Variants in B3GNT7 observed in about 807,000 individuals in gnomAD.
B3GNT7 encodes BGnT-7.
B3GNT7 carries 9 observed loss-of-function variants against 5.1 expected under a neutral mutation model. That is an observed-to-expected ratio of 1.77 (90% CI 1.07 to 3.09). The LOEUF is 3.09. Among genes scored for constraint, B3GNT7 ranks in the 30% most tolerant of loss-of-function variants. B3GNT7 has a pLI of 0.00. For missense variants in B3GNT7, 468 were observed against 550.8 expected (o/e 0.85, Z 1.50); for synonymous variants, 253 against 248.6 (o/e 1.02, Z -0.17).
chr2:231,398,728 C>G lies in B3GNT7; in HGVS notation c.1009C>G (p.Leu337Val). The G allele has an allele frequency of 6.2e-7, 1 of 1,611,348 alleles. No homozygotes were observed. Among genetic ancestry groups the G allele is most frequent in the Non-Finnish European group, 8.5e-7 (1 of 1,179,840 alleles). Reference sequence around the variant, plus strand: ...CTTTCTGGGCATGTGCCTGGAGGTGCTGGGCGTGCAGCCCACGGCCCACGA... The same window carrying G: ...CTTTCTGGGCATGTGCCTGGAGGTGGTGGGCGTGCAGCCCACGGCCCACGA... ...DVFLGMCLEVLGVQPTAHEGF... is the reference protein window; with the variant it reads ...DVFLGMCLEVVGVQPTAHEGF... The change falls in exon 2 of 2, where the codon CTG becomes GTG. Residue 337 changes from leucine to valine, a missense_variant. Leu to Val is a conservative substitution (Grantham distance 32). Coordinates refer to ENST00000287590, the MANE Select transcript of B3GNT7 (RefSeq NM_145236.3).
chr2:231,399,894 C>A lies in B3GNT7; in HGVS notation c.*969C>A. The A allele has an allele frequency of 6.5e-6, 1 of 153,080 alleles. No individual in the cohort carries two copies. Among genetic ancestry groups the A allele is most frequent in the Non-Finnish European group, 1.5e-5 (1 of 68,588 alleles). The allele number at this position is 153,080 out of a possible 1,614,324, so 9.5% of individuals were successfully genotyped here. A position where few individuals can be genotyped will look rare whatever the true frequency, so the allele number is the denominator to read the frequency against. ...TTCCAGCTGCCTGCCCTCAGCACCCCCAGGCCCCTCACAGCCCAGCCCCCT... is the reference window on the plus strand; with the variant it reads ...TTCCAGCTGCCTGCCCTCAGCACCCACAGGCCCCTCACAGCCCAGCCCCCT... On this transcript the variant is annotated 3_prime_UTR_variant, in exon 2 of 2. Coordinates refer to ENST00000287590, the MANE Select transcript of B3GNT7 (RefSeq NM_145236.3).
At chr2:231,396,241 T>C (rs2046512988) in intron 1 of B3GNT7, among the ~76,000 whole-genome samples, 1 of 152,064 alleles carries the variant, frequency 6.6e-6, no homozygotes, top group Non-Finnish European at 1.5e-5. Flanking sequence ...CCGGCCCCTC[T>C]CCGCCCCTCC....
intron 1 of B3GNT7, among the ~76,000 whole-genome samples, chr2:231,396,611 G>C (rs1480259486): frequency 2.6e-5 from 4 of 152,316 alleles, no homozygotes; most frequent in Admixed American, 6.5e-5. Context: ...GCGTCTCCAC[G>C]GGCTGCCTGT....
At position 231,395,950 on chromosome 2, in the gene B3GNT7, T is replaced by G. The variant is rs1360763798; in HGVS notation, c.11+136T>G. On this transcript the variant is annotated intron_variant, in intron 1 of 1. Coordinates refer to ENST00000287590, the MANE Select transcript of B3GNT7 (RefSeq NM_145236.3). The surrounding 1 kb of genome is among the most constrained non-coding windows in gnomAD (Gnocchi z 7.3). ...CGCGCGCGCCGCGCCGGCCTCAGTT[T>G]CCCGGGGGCGGATGGGCGGGCGGGC... The G allele has an allele frequency of 7.8e-6, 4 of 512,874 alleles. No individual in the cohort carries two copies. The highest frequency in any genetic ancestry group is 1.1e-5 in the Non-Finnish European group (4 of 370,508). The allele number at this position is 512,874 out of a possible 1,614,324, so 31.8% of individuals were successfully genotyped here. A position where few individuals can be genotyped will look rare whatever the true frequency, so the allele number is the denominator to read the frequency against.
In B3GNT7 at chr2:231,400,372, G is replaced by A. The variant is rs1254813478; in HGVS notation, c.*1447G>A. Reference sequence around the variant, plus strand: ...GGTGGACAGCCGAGCTGTGGCTCTAGCGTGAGCCAGTGCCTTCCTGTCCCT... The same window carrying A: ...GGTGGACAGCCGAGCTGTGGCTCTAACGTGAGCCAGTGCCTTCCTGTCCCT... On this transcript the variant is annotated 3_prime_UTR_variant, in exon 2 of 2. Coordinates refer to ENST00000287590, the MANE Select transcript of B3GNT7 (RefSeq NM_145236.3). The A allele has an allele frequency of 6.6e-6, 1 of 152,242 alleles. No homozygotes were observed. The highest frequency in any genetic ancestry group is 1.5e-5 in the Non-Finnish European group (1 of 68,092). 9.4% of individuals were successfully genotyped at this position (152,242 alleles called of 1,614,324 possible). A position where few individuals can be genotyped will look rare whatever the true frequency, so the allele number is the denominator to read the frequency against.
chr2:231,395,939 C>A lies in B3GNT7; in HGVS notation c.11+125C>A. ...GGAGATGCCCCCGCGCGCGCCGCGC[C>A]GGCCTCAGTTTCCCGGGGGCGGATG... On this transcript the variant is annotated intron_variant, in intron 1 of 1. Transcript: ENST00000287590. The surrounding 1 kb of genome is among the most constrained non-coding windows in gnomAD (Gnocchi z 7.3). 1.6e-6 allele frequency: 1 copy of A among 625,056 alleles called. No homozygotes were observed. Among genetic ancestry groups the A allele is most frequent in the South Asian group, 7.3e-5 (1 of 13,632 alleles). 38.7% of individuals were successfully genotyped at this position (625,056 alleles called of 1,614,324 possible). A position where few individuals can be genotyped will look rare whatever the true frequency, so the allele number is the denominator to read the frequency against.
At position 231,398,786 on chromosome 2, in the gene B3GNT7, G is replaced by A. The variant is rs777893525; in HGVS notation, c.1067G>A (p.Arg356His). ...AAGACTTTCGGCATCTCCCGGAACC[G>A]CAACAGCCGCATGAACAAGGAGCCG... ...GFKTFGISRN[R>H]NSRMNKEPCF... The change falls in exon 2 of 2, where the codon CGC (arginine) becomes CAC (histidine). Residue 356 changes from arginine to histidine, a missense_variant. Transcript: ENST00000287590. The A allele has an allele frequency of 2.4e-5, 39 of 1,606,848 alleles. 1 individual carries two copies. Among genetic ancestry groups the A allele is most frequent in the Non-Finnish European group, 2.5e-5 (29 of 1,179,846 alleles).
chr2:231,397,117 G>C (rs563763611), intron 1 of B3GNT7: 1 of 849,830 alleles, frequency 1.2e-6, no homozygotes, highest in East Asian at 1.2e-4. Flanking sequence ...GACTGGAGAA[G>C]GGGGAGGAGG....
Position 231,398,026 on chromosome 2 carries a change from G to A in B3GNT7, c.307G>A (p.Val103Ile). ...INLTHQPWFQ[V>I]LEPQFRQFLF... ...CTTGACCCACCAGCCCTGGTTCCAG[G>A]TCCTGGAGCCGCAGTTCCGGCAGTT... The change falls in exon 2 of 2, where the codon GTC becomes ATC. Residue 103 changes from valine to isoleucine, a missense_variant. Physicochemically the swap from Val to Ile is conservative, Grantham distance 29. Transcript: ENST00000287590. 6.2e-7 allele frequency: 1 copy of A among 1,610,106 alleles called. No individual in the cohort carries two copies. The highest frequency in any genetic ancestry group is 8.5e-7 in the Non-Finnish European group (1 of 1,179,870).
intron 1 of B3GNT7, 47 bp from the exon 2 acceptor site, chr2:231,397,684 G>A: frequency 1.3e-6 from 2 of 1,515,126 alleles, no homozygotes; most frequent in Non-Finnish European, 1.8e-6. Flanking sequence ...GGAGAGCCCT[G>A]GGCTCATCTT....
rs757380658 is a variant in B3GNT7, at chr2:231,398,482, G to T, written c.763G>T (p.Ala255Ser). 1.4e-5 allele frequency: 22 copies of T among 1,613,580 alleles called. No homozygotes were observed. The highest frequency in any genetic ancestry group is 1.7e-5 in the Non-Finnish European group (20 of 1,179,894). ...VNPTNLLEFL[A>S]DRQPQENLFV... ...CCCCACCAACCTGCTAGAATTTCTG[G>T]CTGACCGGCAGCCACAGGAAAACCT... is the stretch of plus-strand genomic sequence containing the variant. Residue 255 changes from alanine to serine, a missense_variant, in exon 2 of 2, where the codon GCT becomes TCT. Physicochemically the swap from Ala to Ser is moderately conservative, Grantham distance 99. Transcript: ENST00000287590.
chr2:231,398,840 AC>A lies in B3GNT7; in HGVS notation c.1122del (p.His374GlnfsTer43). ...PCFFRAMLVVHKLLPPELLAM... is the reference protein window; with the variant it reads ...PCFFRAMLVVXKLLPPELLAM... Reference sequence around the variant, plus strand: ...TTTTTCCGCGCCATGCTCGTGGTGCACAAGCTGCTGCCCCCTGAGCTGCTCG... The same window carrying A: ...TTTTTCCGCGCCATGCTCGTGGTGCAAAGCTGCTGCCCCCTGAGCTGCTCG... On this transcript the variant is annotated frameshift_variant, in exon 2 of 2. Transcript: ENST00000287590. LOFTEE classifies it high-confidence loss of function. 6.2e-7 allele frequency: 1 copy of A among 1,601,840 alleles called. No homozygotes were observed. Among genetic ancestry groups the A allele is most frequent in the Non-Finnish European group, 8.5e-7 (1 of 1,179,694 alleles).
chr2:231,398,549 G>A lies in B3GNT7; in HGVS notation c.830G>A (p.Arg277Lys), dbSNP rs1160448973. 1 of 1,613,398 alleles carries A rather than the reference G, an allele frequency of 6.2e-7. No homozygotes were observed. The highest frequency in any genetic ancestry group is 8.5e-7 in the Non-Finnish European group (1 of 1,179,718). Residue 277 changes from arginine (R) to lysine (K), a missense_variant, in exon 2 of 2, where the codon AGG becomes AAG. Transcript: ENST00000287590. ...DVLQHARPIR[R>K]KDNKYYIPGA... ...CTGCAGCACGCTCGGCCCATTCGCA[G>A]GAAAGACAACAAATACTACATCCCG...
chr2:231,398,011 C>T lies in B3GNT7; in HGVS notation c.292C>T (p.Gln98Ter). 1.2e-6 allele frequency: 2 copies of T among 1,610,514 alleles called. No individual in the cohort carries two copies. The highest frequency in any genetic ancestry group is 1.7e-6 in the Non-Finnish European group (2 of 1,179,882). ...CTCAGCCAATATCAACTTGACCCAC[C>T]AGCCCTGGTTCCAGGTCCTGGAGCC... ...NCSANINLTH[Q>*]PWFQVLEPQF... The change falls in exon 2 of 2, where the codon CAG (glutamine) becomes TAG (stop). Residue 98 changes from glutamine (Q) to a stop codon, truncating the protein, a stop_gained. Transcript: ENST00000287590. LOFTEE classifies it low-confidence loss of function (END_TRUNC).
At position 231,397,748 on chromosome 2, in the gene B3GNT7, G is replaced by A. The variant is rs757259930; in HGVS notation, c.29G>A (p.Arg10Gln). 18 of 1,612,776 alleles carry A rather than the reference G, an allele frequency of 1.1e-5. No homozygotes were observed. Among genetic ancestry groups the A allele is most frequent in the South Asian group, 7.7e-5 (7 of 91,018 alleles). The change falls in exon 2 of 2, where the codon CGG (arginine) becomes CAG (glutamine). Residue 10 changes from arginine (R) to glutamine (Q), a missense_variant. Coordinates refer to ENST00000287590, the MANE Select transcript of B3GNT7 (RefSeq NM_145236.3). MSLWKKTVY[R>Q]SLCLALALLV... The stretch of plus-strand genomic sequence containing the variant: ...CCCCACAGGAAGAAAACCGTCTACC[G>A]GAGTCTGTGCCTGGCCCTGGCCCTG...
Position 231,398,873 on chromosome 2 carries a change from G to A in B3GNT7, c.1154G>A (p.Trp385Ter), listed in dbSNP as rs2046540471. 6.3e-7 allele frequency: 1 copy of A among 1,596,806 alleles called. No homozygotes were observed. Among genetic ancestry groups the A allele is most frequent in the Non-Finnish European group, 8.5e-7 (1 of 1,178,714 alleles). Residue 385 changes from tryptophan (W) to a stop codon, truncating the protein, a stop_gained, in exon 2 of 2, where the codon TGG (tryptophan) becomes TAG (stop). Coordinates refer to ENST00000287590, the MANE Select transcript of B3GNT7 (RefSeq NM_145236.3). LOFTEE classifies it high-confidence loss of function. ...KLLPPELLAM[W>*]GLVHSNLTCS... ...CTGCCCCCTGAGCTGCTCGCCATGT[G>A]GGGGCTGGTGCACAGCAATCTCACC...
At chr2:231,396,713 C>T (rs1276573549) in intron 1 of B3GNT7, among the ~76,000 whole-genome samples, 1 of 152,206 alleles carries the variant, frequency 6.6e-6, no homozygotes, top group Non-Finnish European at 1.5e-5. Context: ...CCCCAGAGCT[C>T]TCAGCCCCCA....
rs954373749 is a variant in B3GNT7, at chr2:231,399,291, G to A, written c.*366G>A. The A allele has an allele frequency of 1.2e-4, 30 of 255,296 alleles. No individual in the cohort carries two copies. The highest frequency in any genetic ancestry group is 2.0e-4 in the Non-Finnish European group (26 of 133,152). 15.8% of individuals were successfully genotyped at this position (255,296 alleles called of 1,614,324 possible). A position where few individuals can be genotyped will look rare whatever the true frequency, so the allele number is the denominator to read the frequency against. Reference sequence around the variant, plus strand: ...GTGCTCAGGTACCTGGGCTAGGCCTGGCCTGATGGGTCTGTGGCCGCCCCT... The same window carrying A: ...GTGCTCAGGTACCTGGGCTAGGCCTAGCCTGATGGGTCTGTGGCCGCCCCT... On this transcript the variant is annotated 3_prime_UTR_variant, in exon 2 of 2. Transcript: ENST00000287590.
In B3GNT7 at chr2:231,398,806, G is replaced by A; in HGVS notation, c.1087G>A (p.Glu363Lys). The A allele has an allele frequency of 1.2e-6, 2 of 1,605,780 alleles. No individual in the cohort carries two copies. Among genetic ancestry groups the A allele is most frequent in the Non-Finnish European group, 1.7e-6 (2 of 1,179,844 alleles). The change falls in exon 2 of 2, where the codon GAG (glutamate) becomes AAG (lysine). Residue 363 changes from glutamate (E) to lysine (K), a missense_variant. Physicochemically the swap from Glu to Lys is moderately conservative, Grantham distance 56 (BLOSUM62 1). Transcript: ENST00000287590. ...SRNRNSRMNK[E>K]PCFFRAMLVV... Reference sequence around the variant, plus strand: ...GAACCGCAACAGCCGCATGAACAAGGAGCCGTGCTTTTTCCGCGCCATGCT... The same window carrying A: ...GAACCGCAACAGCCGCATGAACAAGAAGCCGTGCTTTTTCCGCGCCATGCT...
Sources: gnomAD v4.1 joint callset for allele counts (sites outside exome capture counted in the v4.1 genomes callset) on GRCh38, gnomAD v4.1.1 for gene constraint, Gnocchi (gnomAD v3.1) non-coding constraint, MANE v1.5 for transcripts, NCBI Gene and HGNC (gene_info 2026-07-23, HGNC 2026-07-21) for gene names.